Variants in MTUS2 observed in about 807,000 individuals in gnomAD.
MTUS2 encodes microtubule-associated tumor suppressor candidate 2.
Under a neutral mutation model 114.1 loss-of-function variants are expected in MTUS2, and 40 were observed. That is an observed-to-expected ratio of 0.35 (90% confidence interval 0.27 to 0.46). MTUS2 has a LOEUF of 0.46. Among genes scored for constraint, MTUS2 ranks in the 20% least tolerant of loss-of-function variants. MTUS2 has a pLI of 1.00. For synonymous variants in MTUS2, 688 were observed against 672.0 expected, an observed-to-expected ratio of 1.02 and a Z score of -0.37; for missense variants, 1,679 against 1,705.4, an observed-to-expected ratio of 0.98 and a Z score of 0.27.
intron 5 of MTUS2, among the ~76,000 whole-genome samples, chr13:29,197,579 T>C (rs1207927783): frequency 6.6e-6 from 1 of 152,206 alleles, no homozygotes; most frequent in Non-Finnish European, 1.5e-5. Context: ...ATATACTCAG[T>C]AATGGGATCG....
chr13:28,961,033 CAG>C (rs1464581563), intron 2 of MTUS2, among the ~76,000 whole-genome samples: 3 of 151,870 alleles, frequency 2.0e-5, no homozygotes, highest in East Asian at 1.9e-4. Context: ...ATGGAGGAGA[CAG>C]AGGAGAAAAA....
intron 5 of MTUS2, among the ~76,000 whole-genome samples, chr13:29,256,843 A>G (rs1487701320): frequency 2.6e-5 from 4 of 152,156 alleles, no homozygotes; most frequent in Admixed American, 6.5e-5. Context: ...GCTCATTAGC[A>G]TATCTCAACC....
intron 2 of MTUS2, among the ~76,000 whole-genome samples, chr13:28,952,947 C>T (rs528699531): frequency 3.9e-5 from 6 of 152,210 alleles, no homozygotes; most frequent in Admixed American, 6.5e-5. Flanking sequence ...AGTGGGATCT[C>T]ATTAAAATGT....
intron 5 of MTUS2, among the ~76,000 whole-genome samples, chr13:29,102,911 C>T (rs1338481837): frequency 1.3e-5 from 2 of 152,146 alleles, no homozygotes; most frequent in African/African-American, 4.8e-5. Flanking sequence ...TGGTATATAT[C>T]TTTCCAACAA....
intron 8 of MTUS2, chr13:29,428,680 G>A (rs1876751608): frequency 8.3e-7 from 1 of 1,208,486 alleles, no homozygotes; most frequent in Non-Finnish European, 1.0e-6. Context: ...TCTGCCTCCT[G>A]GATTCCTGAA....
intron 4 of MTUS2, among the ~76,000 whole-genome samples, chr13:29,080,659 T>C (rs1425922629): frequency 6.6e-6 from 1 of 152,212 alleles, no homozygotes; most frequent in Non-Finnish European, 1.5e-5. Flanking sequence ...GATGAGATTG[T>C]GCCCACCAAG....
chr13:29,036,911 G>A (rs1387656433), intron 4 of MTUS2, among the ~76,000 whole-genome samples: 1 of 150,910 alleles, frequency 6.6e-6, no homozygotes, highest in Admixed American at 6.6e-5. Flanking sequence ...GTCTTTACAC[G>A]TGAGATGGGT....
At chr13:28,840,389 T>C (rs961721956) in intron 2 of MTUS2, among the ~76,000 whole-genome samples, 1 of 152,196 alleles carries the variant, frequency 6.6e-6, no homozygotes, top group Non-Finnish European at 1.5e-5. Flanking sequence ...GGGAAGCTTT[T>C]CTGAGGGCTG....
At chr13:28,929,943 AGAG>A (rs1881525504) in intron 2 of MTUS2, among the ~76,000 whole-genome samples, 1 of 152,126 alleles carries the variant, frequency 6.6e-6, no homozygotes, top group South Asian at 2.1e-4. Flanking sequence ...AGGGTTGGAT[AGAG>A]GAGGTGGGGC....
chr13:29,211,533 T>G (rs929686359), intron 5 of MTUS2, among the ~76,000 whole-genome samples: 1 of 152,208 alleles, frequency 6.6e-6, no homozygotes, highest in African/African-American at 2.4e-5. Flanking sequence ...CCTGTGATCT[T>G]TCCCCAGTTC....
intron 5 of MTUS2, among the ~76,000 whole-genome samples, chr13:29,121,083 C>T (rs1382750862): frequency 6.6e-6 from 1 of 152,122 alleles, no homozygotes; most frequent in African/African-American, 2.4e-5. Context: ...TCATAAAATT[C>T]CCCGTAAGTC....
chr13:29,456,558 C>A (rs1879122285), intron 9 of MTUS2, among the ~76,000 whole-genome samples: 2 of 152,104 alleles, frequency 1.3e-5, no homozygotes, highest in Admixed American at 1.3e-4. Flanking sequence ...CGAAGCACAC[C>A]AGAGCCAAGG....
At chr13:28,947,160 C>T (rs1481164788) in intron 2 of MTUS2, among the ~76,000 whole-genome samples, 1 of 152,194 alleles carries the variant, frequency 6.6e-6, no homozygotes, top group Non-Finnish European at 1.5e-5. Context: ...CCGACTGCCT[C>T]AATTTGAGCC....
chr13:29,394,137 T>A (rs1227603361), intron 8 of MTUS2, among the ~76,000 whole-genome samples: 1 of 152,192 alleles, frequency 6.6e-6, no homozygotes, highest in Non-Finnish European at 1.5e-5. Flanking sequence ...TCAAACTTTA[T>A]AAAATATTTA....
chr13:29,025,256 A>C lies in MTUS2; in HGVS notation c.558A>C (p.Ala186=), dbSNP rs1430452334. Residue 186 remains alanine (A), a synonymous_variant, in exon 3 of 16, where the codon GCA becomes GCC. Transcript: ENST00000612955. The part of the protein sequence containing the change: ...SLERASSSVA[A]VGSLTPQHPQ... ...AAAGAGCAAGCAGCTCTGTAGCTGC[A>C]GTCGGGAGCCTGACTCCGCAGCATC... The C allele has an allele frequency of 1.2e-6, 2 of 1,613,908 alleles. No individual in the cohort carries two copies. The highest frequency in any genetic ancestry group is 4.5e-5 in the East Asian group (2 of 44,884).
chr13:29,499,789 G>A (rs999367659), intron 14 of MTUS2, among the ~76,000 whole-genome samples: 8 of 152,234 alleles, frequency 5.3e-5, no homozygotes, highest in African/African-American at 1.7e-4. Context: ...GCATTTGGTG[G>A]CCATGTCACC....
intron 5 of MTUS2, among the ~76,000 whole-genome samples, chr13:29,109,063 C>T (rs1001259500): frequency 6.6e-6 from 1 of 152,096 alleles, no homozygotes; most frequent in African/African-American, 2.4e-5. Context: ...TAAAACCCCA[C>T]CTTCTCTCTG....
At chr13:29,106,826 C>A (rs528987380) in intron 5 of MTUS2, among the ~76,000 whole-genome samples, 1 of 152,040 alleles carries the variant, frequency 6.6e-6, no homozygotes, top group African/African-American at 2.4e-5. Flanking sequence ...CCTTTGACCC[C>A]GTTTCAATTG....
intron 4 of MTUS2, among the ~76,000 whole-genome samples, chr13:29,038,904 A>AGGCTGC (rs1887208943): frequency 6.6e-6 from 1 of 152,194 alleles, no homozygotes; most frequent in South Asian, 2.1e-4. Context: ...CTCGACCACC[A>AGGCTGC]GGCTGCGGGC....
Sources: gnomAD v4.1 joint callset for allele counts (sites outside exome capture counted in the v4.1 genomes callset) on GRCh38, gnomAD v4.1.1 for gene constraint, MANE v1.5 for transcripts, NCBI Gene and HGNC (gene_info 2026-07-23, HGNC 2026-07-21) for gene names.